MALRD1: variants seen among roughly 807,000 people sequenced by gnomAD.
MALRD1 encodes MAM and LDL-receptor class A domain-containing protein 1.
MALRD1 carries 247 observed loss-of-function variants against 242.1 expected under a neutral mutation model. The observed-to-expected ratio is 1.02, with a 90% confidence interval of 0.92 to 1.13. The LOEUF (loss-of-function observed/expected upper bound fraction) is 1.13, where lower values mean the gene tolerates loss of function less well. Among genes scored for constraint, MALRD1 ranks in the 50% most tolerant of loss-of-function variants. MALRD1 has a pLI of 0.00. For missense variants in MALRD1, 2,989 were observed against 2,533.1 expected (o/e 1.18, Z -3.86); for synonymous variants, 995 against 866.6 (o/e 1.15, Z -2.60).
chr10:19,174,597 A>G (rs1025320868), intron 13 of MALRD1, among the ~76,000 whole-genome samples: 10 of 151,912 alleles, frequency 6.6e-5, no homozygotes, highest in African/African-American at 2.2e-4. Context: ...AATATGAGTA[A>G]TTAACAAGAA....
intron 34 of MALRD1, among the ~76,000 whole-genome samples, chr10:19,596,995 A>C (rs945417942): frequency 2.0e-5 from 3 of 152,104 alleles, no homozygotes; most frequent in African/African-American, 7.2e-5. Context: ...AGTAAAGATG[A>C]ATGAAAGAAA....
At chr10:19,050,001 T>C (rs1298377918) in intron 1 of MALRD1, among the ~76,000 whole-genome samples, 4 of 152,056 alleles carry the variant, frequency 2.6e-5, no homozygotes, top group African/African-American at 9.7e-5. Context: ...TCATTGAGAG[T>C]TCATAGTAGC....
intron 36 of MALRD1, among the ~76,000 whole-genome samples, chr10:19,682,975 A>G (rs988143512): frequency 2.0e-5 from 3 of 152,220 alleles, no homozygotes; most frequent in African/African-American, 7.2e-5. Context: ...AACAGGATCA[A>G]AAGCCTCCAG....
At chr10:19,694,248 C>G (rs1190637482) in intron 38 of MALRD1, among the ~76,000 whole-genome samples, 4 of 152,176 alleles carry the variant, frequency 2.6e-5, no homozygotes, top group Admixed American at 2.6e-4. Flanking sequence ...AACTAAAGAG[C>G]TTCTGCACAG....
chr10:19,584,945 C>CT, intron 33 of MALRD1, among the ~76,000 whole-genome samples: 1 of 152,172 alleles, frequency 6.6e-6, no homozygotes, highest in Non-Finnish European at 1.5e-5. Context: ...ATAGTTAGCT[C>CT]TTCTTGTTGA....
chr10:19,083,461 T>G (rs1835559205), intron 2 of MALRD1, among the ~76,000 whole-genome samples: 1 of 152,040 alleles, frequency 6.6e-6, no homozygotes, highest in South Asian at 2.1e-4. Context: ...ATTAGTTTAT[T>G]ATTTTCACTA....
intron 32 of MALRD1, among the ~76,000 whole-genome samples, chr10:19,531,560 C>G (rs1834418509): frequency 1.3e-5 from 2 of 152,108 alleles, no homozygotes; most frequent in African/African-American, 4.8e-5. Context: ...CTGACGGCTG[C>G]CACCTGAACT....
At chr10:19,292,613 C>A (rs1415011821) in intron 21 of MALRD1, among the ~76,000 whole-genome samples, 1 of 152,120 alleles carries the variant, frequency 6.6e-6, no homozygotes, top group Non-Finnish European at 1.5e-5. Flanking sequence ...ATAATGCAGG[C>A]CGGGCGGGGT....
intron 8 of MALRD1, among the ~76,000 whole-genome samples, chr10:19,131,602 C>G (rs920056178): frequency 9.9e-5 from 15 of 151,684 alleles, no homozygotes; most frequent in Non-Finnish European, 1.5e-4. Flanking sequence ...AATTCTTTAC[C>G]AAATTACATG....
chr10:19,615,271 A>G (rs1182992989), intron 35 of MALRD1, among the ~76,000 whole-genome samples: 1 of 151,946 alleles, frequency 6.6e-6, no homozygotes, highest in South Asian at 2.1e-4. Context: ...TAATCCTAGC[A>G]TTTTGGGAGG....
chr10:19,323,295 A>T (rs1842979984), intron 21 of MALRD1, among the ~76,000 whole-genome samples: 1 of 152,100 alleles, frequency 6.6e-6, no homozygotes, highest in African/African-American at 2.4e-5. Flanking sequence ...TTCTAAAGGC[A>T]ATCAGTGCTT....
At chr10:19,661,998 A>G (rs1337339367) in intron 36 of MALRD1, among the ~76,000 whole-genome samples, 1 of 152,176 alleles carries the variant, frequency 6.6e-6, no homozygotes, top group Non-Finnish European at 1.5e-5. Context: ...TTTCCAATAT[A>G]TAAATGGATT....
At chr10:19,317,350 C>T (rs1000163170) in intron 21 of MALRD1, among the ~76,000 whole-genome samples, 4 of 151,836 alleles carry the variant, frequency 2.6e-5, no homozygotes, top group Non-Finnish European at 5.9e-5. Context: ...GACAGTTTTA[C>T]CCTAAAAACC....
intron 21 of MALRD1, among the ~76,000 whole-genome samples, chr10:19,304,747 C>T (rs1842095604): frequency 1.3e-5 from 2 of 151,824 alleles, no homozygotes; most frequent in East Asian, 3.9e-4. Flanking sequence ...GTACTTGTCA[C>T]CTTTGTGACC....
intron 26 of MALRD1, among the ~76,000 whole-genome samples, chr10:19,358,880 G>A (rs1471615204): frequency 6.6e-6 from 1 of 152,000 alleles, no homozygotes; most frequent in African/African-American, 2.4e-5. Flanking sequence ...TGAAAGCAAG[G>A]GTTCAGTTCT....
At chr10:19,096,681 A>G (rs967428454) in intron 4 of MALRD1, among the ~76,000 whole-genome samples, 1 of 152,184 alleles carries the variant, frequency 6.6e-6, no homozygotes, top group Non-Finnish European at 1.5e-5. Context: ...GAATTCTGTA[A>G]TCAGAGTCTC....
At chr10:19,368,052 A>G (rs930792799) in intron 26 of MALRD1, among the ~76,000 whole-genome samples, 7 of 152,080 alleles carry the variant, frequency 4.6e-5, no homozygotes, top group African/African-American at 1.7e-4. Flanking sequence ...TCAATTCAAC[A>G]GGCTGTCTTT....
chr10:19,175,152 G>A (rs1835176812), intron 13 of MALRD1, 56 bp from the exon 14 acceptor site: 6 of 1,158,666 alleles, frequency 5.2e-6, no homozygotes, highest in Non-Finnish European at 2.2e-6. Context: ...AAATATGATT[G>A]TAAGACATTA....
intron 18 of MALRD1, among the ~76,000 whole-genome samples, chr10:19,251,818 G>T (rs906129469): frequency 6.6e-6 from 1 of 151,974 alleles, no homozygotes; most frequent in African/African-American, 2.4e-5. Context: ...GAAAGTGATT[G>T]GATCATAGGG....
Sources: allele counts gnomAD v4.1 joint callset (sites outside exome capture counted in the v4.1 genomes callset), GRCh38; gene constraint gnomAD v4.1.1; transcripts MANE v1.5; gene names NCBI Gene and HGNC (gene_info 2026-07-23, HGNC 2026-07-21).